Variants in TET2 observed in about 807,000 individuals in gnomAD.
The protein encoded by TET2 is tet methylcytosine dioxygenase 2.
Under a neutral mutation model 142.9 loss-of-function variants are expected in TET2, and 299 were observed. That is an observed-to-expected ratio of 2.09 (90% CI 1.90 to 2.30). TET2 has a LOEUF of 2.30. Ranked by LOEUF, TET2 falls within the 30% of genes most tolerant of loss-of-function variation. The probability of loss-of-function intolerance (pLI) is 0.00; values close to 1 mark genes in which losing one functional copy is unlikely to be tolerated. For synonymous variants in TET2, 819 were observed against 849.0 expected (o/e 0.96, Z 0.61); for missense variants, 2,418 against 2,378.0 (o/e 1.02, Z -0.35).
At chr4:105,218,245 TC>T (rs1727610269) in intron 2 of TET2, among the ~76,000 whole-genome samples, 2 of 152,064 alleles carry the variant, frequency 1.3e-5, no homozygotes, top group African/African-American at 2.4e-5. Flanking sequence ...GAATTTATGT[TC>T]CTAGTGATGT....
At position 105,258,550 on chromosome 4, in the gene TET2, A is replaced by G. The variant is rs189828722; in HGVS notation, c.3804-1069A>G. On this transcript the variant is annotated intron_variant, in intron 6 of 10. Coordinates refer to ENST00000380013, the MANE Select transcript of TET2 (RefSeq NM_001127208.3). ...GTGTCATTACTTTTAGGCTTTTTTAATGGGCAAATACATGAAGTAATTATT... is the reference window on the plus strand; with the variant it reads ...GTGTCATTACTTTTAGGCTTTTTTAGTGGGCAAATACATGAAGTAATTATT... Among the ~76,000 whole-genome samples the G allele has an allele frequency of 1.3e-3, 196 of 152,248 alleles. 1 individual carries two copies. In the Middle Eastern group the frequency reaches 0.014, roughly 11 times the overall value.
At chr4:105,261,671 T>C (rs1044443787) in intron 7 of TET2, 88 bp from the exon 8 acceptor site, 3 of 728,976 alleles carry the variant, frequency 4.1e-6, no homozygotes, top group Admixed American at 6.2e-5. Flanking sequence ...GGATTCAAAA[T>C]GTAAGGGGAA....
At chr4:105,189,736 C>T (rs1321565490) in intron 1 of TET2, among the ~76,000 whole-genome samples, 1 of 152,110 alleles carries the variant, frequency 6.6e-6, no homozygotes. Context: ...TTAGGTGGTC[C>T]TTTTAAAGTA....
intron 1 of TET2, among the ~76,000 whole-genome samples, chr4:105,159,934 G>A (rs1723761590): frequency 6.6e-6 from 1 of 152,128 alleles, no homozygotes; most frequent in African/African-American, 2.4e-5. Flanking sequence ...ACCCCGGGAG[G>A]CGGAGGTTGC....
At chr4:105,152,220 G>C (rs1207082949) in intron 1 of TET2, among the ~76,000 whole-genome samples, 1 of 152,182 alleles carries the variant, frequency 6.6e-6, no homozygotes, top group Non-Finnish European at 1.5e-5. Context: ...GGCAGAGGCT[G>C]CGGTGAGCCG....
At chr4:105,170,820 C>T (rs967527866) in intron 1 of TET2, among the ~76,000 whole-genome samples, 1 of 151,920 alleles carries the variant, frequency 6.6e-6, no homozygotes, top group African/African-American at 2.4e-5. Flanking sequence ...ACATGATGTG[C>T]GACACTACTT....
At chr4:105,192,903 A>G (rs1725867496) in intron 2 of TET2, among the ~76,000 whole-genome samples, 3 of 152,208 alleles carry the variant, frequency 2.0e-5, no homozygotes, top group Non-Finnish European at 4.4e-5. Context: ...TTAAATAAAA[A>G]TCTGATAAAG....
chr4:105,226,618 C>T (rs991467426), intron 2 of TET2, among the ~76,000 whole-genome samples: 4 of 151,318 alleles, frequency 2.6e-5, no homozygotes, highest in African/African-American at 9.7e-5. Context: ...TCTCTCCTTC[C>T]CTCCCTCTGT....
intron 8 of TET2, 109 bp from the exon 9 acceptor site, chr4:105,269,501 T>C (rs1322114127): frequency 5.1e-6 from 6 of 1,185,648 alleles, no homozygotes; most frequent in Non-Finnish European, 7.0e-6. Context: ...GATATATATT[T>C]AAGTTCAAAA....
chr4:105,197,512 A>G (rs1410116760), intron 2 of TET2, among the ~76,000 whole-genome samples: 1 of 152,176 alleles, frequency 6.6e-6, no homozygotes, highest in Middle Eastern at 3.2e-3. Flanking sequence ...GTAGGAGGCC[A>G]TATGTTTGAG....
intron 3 of TET2, chr4:105,239,476 T>C: frequency 4.2e-6 from 1 of 240,172 alleles, no homozygotes; most frequent in Non-Finnish European, 8.8e-6. Context: ...TGTCCTTTTA[T>C]GTTATAGAGA....
Position 105,277,577 on chromosome 4 carries a change from G to A in TET2, c.*1058G>A. ...TGCTTTTAGCCATGCATCTGCTGAT[G>A]AGCAATTGTGTCCATTTTTAACACA... On this transcript the variant is annotated 3_prime_UTR_variant, in exon 11 of 11. Transcript: ENST00000380013. The A allele has an allele frequency of 4.4e-6, 1 of 228,114 alleles. No individual in the cohort carries two copies. Among genetic ancestry groups the A allele is most frequent in the Admixed American group, 5.7e-5 (1 of 17,616 alleles). The allele number at this position is 228,114 out of a possible 1,614,324, so 14.1% of individuals were successfully genotyped here.
At chr4:105,202,423 A>G (rs183456549) in intron 2 of TET2, 1 of 152,270 alleles carries the variant, frequency 6.6e-6, no homozygotes, top group Admixed American at 6.5e-5. Context: ...GGCTGGGTTC[A>G]CGCTTCAGGT....
rs1186315562 is a variant in TET2, at chr4:105,237,165, G to T, written c.3223G>T (p.Asp1075Tyr). The change falls in exon 3 of 11, where the codon GAT becomes TAT. Residue 1075 changes from aspartate (D) to tyrosine (Y), a missense_variant. Asp to Tyr is a radical substitution (Grantham distance 160). Transcript: ENST00000380013. ...LTRQTTAAEL[D>Y]SHTPALEQQT... ...TAGACAAACCACTGCTGCAGAACTT[G>T]ATAGCCACACCCCAGCTTTAGAGCA... 5 of 1,614,038 alleles carry T rather than the reference G, an allele frequency of 3.1e-6. No individual in the cohort carries two copies. The highest frequency in any genetic ancestry group is 4.2e-6 in the Non-Finnish European group (5 of 1,180,034).
rs1223952188 is a variant in TET2, at chr4:105,259,700, C to A, written c.3885C>A (p.Tyr1295Ter). Residue 1295 changes from tyrosine (Y) to a stop codon, truncating the protein, a stop_gained, in exon 7 of 11, where the codon TAC (tyrosine) becomes TAA (stop). Transcript: ENST00000380013. LOFTEE classifies it high-confidence loss of function. ...FSFGCSWSMY[Y>*]NGCKFARSKI... ...TTGGTTGTTCATGGAGCATGTACTA[C>A]AATGGATGTAAGTTTGCCAGAAGCA... The A allele has an allele frequency of 1.3e-6, 2 of 1,551,168 alleles. No homozygotes were observed. The highest frequency in any genetic ancestry group is 1.7e-6 in the Non-Finnish European group (2 of 1,146,618).
intron 2 of TET2, among the ~76,000 whole-genome samples, chr4:105,231,188 G>C (rs1728487142): frequency 6.6e-6 from 1 of 152,004 alleles, no homozygotes; most frequent in Non-Finnish European, 1.5e-5. Context: ...TTCTTTTTCA[G>C]AATATTCCTG....
At chr4:105,254,938 C>G (rs1730048819) in intron 6 of TET2, among the ~76,000 whole-genome samples, 2 of 152,152 alleles carry the variant, frequency 1.3e-5, no homozygotes, top group Non-Finnish European at 2.9e-5. Context: ...AATTATATTT[C>G]AGATTTTCCT....
chr4:105,204,215 CAAA>C (rs531909233), intron 2 of TET2, among the ~76,000 whole-genome samples: 1 of 97,316 alleles, frequency 1.0e-5, no homozygotes, highest in African/African-American at 3.8e-5. Flanking sequence ...AAAAACAAAC[CAAA>C]AAAAAAAAAA....
At chr4:105,250,901 C>CA (rs1409218201) in intron 6 of TET2, among the ~76,000 whole-genome samples, 1 of 151,810 alleles carries the variant, frequency 6.6e-6, no homozygotes, top group Non-Finnish European at 1.5e-5. Context: ...AGGCTGGTCT[C>CA]AAACACCTGG....
Sources: gnomAD v4.1 joint callset for allele counts (sites outside exome capture counted in the v4.1 genomes callset) on GRCh38, gnomAD v4.1.1 for gene constraint, MANE v1.5 for transcripts, NCBI Gene and HGNC (gene_info 2026-07-23, HGNC 2026-07-21) for gene names.